The following PDXDC1 variants were observed in gnomAD, a reference collection of about 807,000 sequenced individuals.
PDXDC1 encodes the protein pyridoxal-dependent decarboxylase domain-containing protein 1.
Under a neutral mutation model 100.1 loss-of-function variants are expected in PDXDC1, and 42 were observed. The ratio of observed to expected loss-of-function variants is 0.42; its 90% CI spans 0.33 to 0.54. PDXDC1 has a LOEUF of 0.54. Ranked by LOEUF, PDXDC1 falls within the 20% of genes least tolerant of loss-of-function variation. PDXDC1 has a pLI of 0.10. For missense variants in PDXDC1, 636 were observed against 979.2 expected (o/e 0.65, Z 4.68); for synonymous variants, 260 against 371.7 (o/e 0.70, Z 3.46).
At chr16:14,989,952 G>A in intron 1 of PDXDC1, 1 of 1,461,844 alleles carries the variant, frequency 6.8e-7, no homozygotes. Context: ...CCAGGCGCGG[G>A]TGGCCGCCTC....
In PDXDC1 at chr16:15,036,540, C is replaced by G. The variant is rs1169655077; in HGVS notation, c.*265C>G. 4.0e-6 allele frequency: 2 copies of G among 501,622 alleles called. No homozygotes were observed. The highest frequency in any genetic ancestry group is 6.6e-5 in the East Asian group (2 of 30,122). 31.1% of individuals were successfully genotyped at this position (501,622 alleles called of 1,614,324 possible). ...AAACACATTTTATTCACAAAAAACA[C>G]TTCGAATTTCAAGTGTCTACCAGTA... On this transcript the variant is annotated 3_prime_UTR_variant, in exon 23 of 23. Coordinates refer to ENST00000396410, the MANE Select transcript of PDXDC1 (RefSeq NM_015027.4).
At position 15,093,775 on chromosome 16, in the gene PDXDC1, G is replaced by A. The variant is rs1243146093; in HGVS notation, c.1400-45104G>A. On this transcript the variant is annotated intron_variant, in intron 16 of 16. Transcript: ENST00000535621. Reference sequence around the variant, plus strand: ...ACAAAAAAGATGTAATATTCAATTTGCCATGAGTGACGACGTTCGGCTGAT... The same window carrying A: ...ACAAAAAAGATGTAATATTCAATTTACCATGAGTGACGACGTTCGGCTGAT... Among the ~76,000 whole-genome samples the A allele has an allele frequency of 3.3e-5, 5 of 152,158 alleles. No individual in the cohort carries two copies. The East Asian group carries it at 9.6e-4, about 29-fold the overall frequency.
At position 15,013,546 on chromosome 16, in the gene PDXDC1, C is replaced by T. The variant is rs1199983421; in HGVS notation, c.728-2583C>T. Among the ~76,000 whole-genome samples the T allele has an allele frequency of 4.6e-5, 7 of 152,282 alleles. No individual in the cohort carries two copies. In the South Asian group the frequency reaches 1.0e-3, roughly 23 times the overall value. ...ATATATTTGTCAAAACTCATTGGAC[C>T]GTATACTTACATGAGTGAGTTTTGT... On this transcript the variant is annotated intron_variant, in intron 8 of 22. Coordinates refer to ENST00000396410, the MANE Select transcript of PDXDC1 (RefSeq NM_015027.4).
intron 16 of PDXDC1, chr16:15,134,133 G>A (rs1170249342): frequency 7.7e-7 from 1 of 1,295,246 alleles, no homozygotes; most frequent in East Asian, 2.4e-5. Context: ...CCCCACTTCT[G>A]CCTGCAGGCC....
intron 16 of PDXDC1, chr16:15,104,607 G>A (rs1454744234): frequency 2.5e-6 from 4 of 1,599,134 alleles, no homozygotes; most frequent in Non-Finnish European, 2.5e-6. Context: ...CTCCGCAGGT[G>A]TCTTGAGGCT....
chr16:15,013,359 GA>G (rs779875897), intron 8 of PDXDC1, among the ~76,000 whole-genome samples: 21,972 of 134,828 alleles, frequency 0.16, 1,492 homozygotes, highest in East Asian at 0.41. Context: ...AAAAAAAAAA[GA>G]AAAAAAAAAA....
intron 18 of PDXDC1, 134 bp downstream of exon 18, chr16:15,033,113 C>A: frequency 1.0e-6 from 1 of 958,344 alleles, no homozygotes; most frequent in Non-Finnish European, 1.6e-6. Context: ...GGTTCTGAGA[C>A]CTCCCTCCCC....
At chr16:15,090,876 T>G (rs1485136437) in intron 16 of PDXDC1, among the ~76,000 whole-genome samples, 1 of 149,540 alleles carries the variant, frequency 6.7e-6, no homozygotes, top group Non-Finnish European at 1.5e-5. Context: ...GTGGTTTGTT[T>G]TTTTTTTTTT....
At chr16:15,125,664 G>A in intron 16 of PDXDC1, 1 of 1,314,564 alleles carries the variant, frequency 7.6e-7, no homozygotes, top group South Asian at 1.2e-5. Flanking sequence ...CCCCAGCCCA[G>A]CCCAGGACCC....
At chr16:15,085,102 TA>T (rs1231618057) in intron 16 of PDXDC1, among the ~76,000 whole-genome samples, 1 of 151,950 alleles carries the variant, frequency 6.6e-6, no homozygotes, top group Non-Finnish European at 1.5e-5. Context: ...TACTTGAAGC[TA>T]AAAACACATG....
At chr16:15,121,925 G>A (rs1263327000) in intron 16 of PDXDC1, 3 of 250,812 alleles carry the variant, frequency 1.2e-5, no homozygotes, top group Non-Finnish European at 2.4e-5. Context: ...GGCGGATCAC[G>A]AGGTCAAGAG....
intron 1 of PDXDC1, among the ~76,000 whole-genome samples, chr16:14,985,478 G>T (rs981094340): frequency 6.6e-6 from 1 of 152,148 alleles, no homozygotes; most frequent in African/African-American, 2.4e-5. Flanking sequence ...TAGTAGAGAC[G>T]GGGTTTCTAC....
In PDXDC1 at chr16:15,033,064, G is replaced by A. The variant is rs952221875; in HGVS notation, c.1690+85G>A. The A allele has an allele frequency of 4.9e-5, 50 of 1,014,468 alleles. 1 individual carries two copies. The highest frequency in any genetic ancestry group is 1.7e-4 in the African/African-American group (11 of 63,028). 62.8% of individuals were successfully genotyped at this position (1,014,468 alleles called of 1,614,324 possible). A position where few individuals can be genotyped will look rare whatever the true frequency, so the allele number is the denominator to read the frequency against. ...TGAAGACGACGGCTCATCCCTTAGC[G>A]GGCTAGCGCCTCTCGGGCTGGGTTC... On this transcript the variant is annotated intron_variant, in intron 18 of 22. Transcript: ENST00000396410.
chr16:15,094,273 G>A (rs1431017442), intron 16 of PDXDC1: 5 of 1,464,400 alleles, frequency 3.4e-6, no homozygotes, highest in South Asian at 2.4e-5. Context: ...CAGGCCGGAT[G>A]CCCAGCTCCT....
intron 16 of PDXDC1, chr16:15,137,649 G>A: frequency 7.5e-6 from 10 of 1,329,446 alleles, no homozygotes; most frequent in Admixed American, 2.0e-5. Context: ...CCTTGGCCCG[G>A]AGCCCCCCCC....
chr16:15,101,291 T>C (rs552139294), intron 16 of PDXDC1, among the ~76,000 whole-genome samples: 2 of 152,306 alleles, frequency 1.3e-5, no homozygotes, highest in African/African-American at 2.4e-5. Flanking sequence ...ATGAGGGAGA[T>C]AGACAGATAG....
chr16:15,133,302 T>A, intron 16 of PDXDC1: 2 of 1,573,088 alleles, frequency 1.3e-6, no homozygotes, highest in Non-Finnish European at 1.7e-6. Flanking sequence ...GAGTACTCGA[T>A]GACGTGCTGG....
At chr16:15,131,745 G>A (rs1480043019) in intron 16 of PDXDC1, 13 of 1,101,444 alleles carry the variant, frequency 1.2e-5, no homozygotes, top group Non-Finnish European at 1.6e-5. Flanking sequence ...AGACAGGGAG[G>A]CAGAGGGAGG....
chr16:15,115,242 CTTT>C (rs1233459420), intron 16 of PDXDC1, among the ~76,000 whole-genome samples: 106 of 127,756 alleles, frequency 8.3e-4, no homozygotes, highest in African/African-American at 3.1e-3. Flanking sequence ...CATTTTTTTT[CTTT>C]TTGTTTGTTG....
Sources: allele counts gnomAD v4.1 joint callset (sites outside exome capture counted in the v4.1 genomes callset), GRCh38; gene constraint gnomAD v4.1.1; transcripts MANE v1.5; gene names NCBI Gene and HGNC (gene_info 2026-07-23, HGNC 2026-07-21).